Variants in GRAMD1B observed in about 807,000 individuals in gnomAD.
The protein encoded by GRAMD1B is GRAM domain containing 1B, also known as protein Aster-B.
In GRAMD1B, 37 loss-of-function variants were observed where a neutral mutation model predicts 99.7. The ratio of observed to expected loss-of-function variants is 0.37; its 90% confidence interval spans 0.29 to 0.49. The LOEUF (loss-of-function observed/expected upper bound fraction) is 0.49. GRAMD1B is among the 20% of genes least tolerant of loss of function. The pLI, the probability that GRAMD1B is intolerant of heterozygous loss-of-function variation, is 0.98. For missense variants in GRAMD1B, 888 were observed against 1,009.2 expected, an observed-to-expected ratio of 0.88 and a Z score of 1.63; for synonymous variants, 427 against 387.6, an observed-to-expected ratio of 1.10 and a Z score of -1.19.
upstream of GRAMD1B, among the ~76,000 whole-genome samples, chr11:123,425,516 C>T (rs1948616983): frequency 1.3e-5 from 2 of 152,152 alleles, no homozygotes; most frequent in Non-Finnish European, 2.9e-5. Context: ...TTTTGATGAG[C>T]GATTAAACCA....
intron 1 of GRAMD1B, among the ~76,000 whole-genome samples, chr11:123,437,978 A>G (rs1018777878): frequency 3.9e-5 from 6 of 152,148 alleles, no homozygotes; most frequent in East Asian, 1.9e-4. Context: ...GGAGAGAGAA[A>G]ACTCATGTCC....
At chr11:123,382,535 T>G (rs941833119) in intron 1 of GRAMD1B, among the ~76,000 whole-genome samples, 1 of 148,856 alleles carries the variant, frequency 6.7e-6, no homozygotes, top group Admixed American at 6.6e-5. Context: ...GTGTTTCCAT[T>G]CTGAAGACCT....
intron 1 of GRAMD1B, among the ~76,000 whole-genome samples, chr11:123,469,772 T>TTCCTTCCTTCC (rs57120052): frequency 1.3e-4 from 14 of 108,382 alleles, no homozygotes; most frequent in African/African-American, 4.5e-4. Flanking sequence ...TTTCTTTCTC[T>TTCCTTCCTTCC]TTCTTTCCTT....
At chr11:123,422,861 G>A (rs567606843) in intron 1 of GRAMD1B, among the ~76,000 whole-genome samples, 6 of 152,154 alleles carry the variant, frequency 3.9e-5, no homozygotes, top group South Asian at 2.1e-4. Context: ...CTTCTCCCTC[G>A]TGTTCACTCT....
intron 2 of GRAMD1B, among the ~76,000 whole-genome samples, chr11:123,549,455 C>T (rs58084348): frequency 0.22 from 33,686 of 151,714 alleles, 5,516 homozygotes; most frequent in African/African-American, 0.45. Context: ...GGCAGGAGAA[C>T]GGCGTGAACC....
intron 1 of GRAMD1B, among the ~76,000 whole-genome samples, chr11:123,388,400 C>T (rs76578664): frequency 1.3e-5 from 2 of 150,138 alleles, no homozygotes; most frequent in East Asian, 2.0e-4. Context: ...GAGCTGGGTG[C>T]GGTGGCTCAC....
At chr11:123,433,042 G>T (rs1345226211) in intron 1 of GRAMD1B, among the ~76,000 whole-genome samples, 2 of 152,084 alleles carry the variant, frequency 1.3e-5, no homozygotes, top group African/African-American at 4.8e-5. Flanking sequence ...AGCTTGGTGG[G>T]AGCTAACCTT....
intron 9 of GRAMD1B, among the ~76,000 whole-genome samples, chr11:123,604,820 A>G (rs1486545764): frequency 1.3e-5 from 2 of 152,192 alleles, no homozygotes; most frequent in Non-Finnish European, 2.9e-5. Flanking sequence ...ACCCACCTTC[A>G]TCTCAAGGAG....
At chr11:123,472,899 A>G (rs1951085418) in intron 1 of GRAMD1B, among the ~76,000 whole-genome samples, 1 of 152,220 alleles carries the variant, frequency 6.6e-6, no homozygotes, top group Non-Finnish European at 1.5e-5. Flanking sequence ...CTATTGGCAC[A>G]ACTGCTGGCA....
intron 1 of GRAMD1B, among the ~76,000 whole-genome samples, chr11:123,390,976 C>T (rs949999114): frequency 6.6e-6 from 1 of 152,186 alleles, no homozygotes; most frequent in African/African-American, 2.4e-5. Context: ...ACTCAGCTGC[C>T]CGCCTTTCCT....
intron 1 of GRAMD1B, among the ~76,000 whole-genome samples, chr11:123,475,972 C>T (rs1227205441): frequency 6.7e-6 from 1 of 150,142 alleles, no homozygotes; most frequent in Non-Finnish European, 1.5e-5. Context: ...TTGAAAAAGG[C>T]TCATATAAGA....
intron 1 of GRAMD1B, among the ~76,000 whole-genome samples, chr11:123,438,532 T>G (rs559214726): frequency 6.6e-6 from 1 of 152,304 alleles, no homozygotes; most frequent in South Asian, 2.1e-4. Flanking sequence ...GAGAATCAGC[T>G]AGCGCCTGGC....
intron 1 of GRAMD1B, among the ~76,000 whole-genome samples, chr11:123,444,072 T>G (rs1394034619): frequency 6.6e-6 from 1 of 152,066 alleles, no homozygotes; most frequent in Non-Finnish European, 1.5e-5. Flanking sequence ...ATTCAGACCT[T>G]TAAAAGGTGC....
intron 2 of GRAMD1B, among the ~76,000 whole-genome samples, chr11:123,545,563 A>G (rs905087506): frequency 2.0e-5 from 3 of 152,164 alleles, no homozygotes; most frequent in Admixed American, 6.5e-5. Context: ...ACCAGCTACT[A>G]TCTGTACGCT....
rs981301613 is a variant in GRAMD1B at position 123,409,354 on chromosome 11, A to C, written c.-176+50555A>C. ...GTGTTATATGTGTAGCAGTGTTTTAATCTCAAAGGGCTGTGTACATACAGA... is the reference window on the plus strand; with the variant it reads ...GTGTTATATGTGTAGCAGTGTTTTACTCTCAAAGGGCTGTGTACATACAGA... On this transcript the variant is annotated intron_variant, in intron 1 of 20. Coordinates refer to the GRAMD1B transcript ENST00000638157. Among the ~76,000 whole-genome samples the C allele has an allele frequency of 2.0e-5, 3 of 152,122 alleles. No individual in the cohort carries two copies. The East Asian group carries it at 5.8e-4, about 29-fold the overall frequency.
At chr11:123,566,358 A>G (rs1947367277) in intron 2 of GRAMD1B, among the ~76,000 whole-genome samples, 1 of 152,210 alleles carries the variant, frequency 6.6e-6, no homozygotes, top group South Asian at 2.1e-4. Context: ...CATGGACCCA[A>G]GAGCTAGAAA....
intron 2 of GRAMD1B, among the ~76,000 whole-genome samples, chr11:123,576,005 A>G (rs1212560827): frequency 6.7e-6 from 1 of 149,986 alleles, no homozygotes; most frequent in Non-Finnish European, 1.5e-5. Context: ...TTTTTTCTTT[A>G]TCAGTTTCCT....
chr11:123,538,660 G>A (rs185158450), intron 2 of GRAMD1B, among the ~76,000 whole-genome samples: 7 of 151,466 alleles, frequency 4.6e-5, no homozygotes, highest in East Asian at 1.9e-4. Context: ...TCACTCTGTC[G>A]CCAGGTTAGA....
intron 13 of GRAMD1B, 38 bp downstream of exon 13, chr11:123,609,951 A>T: frequency 2.5e-6 from 3 of 1,178,048 alleles, no homozygotes; most frequent in Non-Finnish European, 3.7e-6. Context: ...AGCGAGCTGG[A>T]AAATCCTGTG....
Sources: gnomAD v4.1 joint callset for allele counts (sites outside exome capture counted in the v4.1 genomes callset) on GRCh38, gnomAD v4.1.1 for gene constraint, MANE v1.5 for transcripts, NCBI Gene and HGNC (gene_info 2026-07-23, HGNC 2026-07-21) for gene names.